Variants in PLXNA4 observed in about 807,000 individuals in gnomAD.
PLXNA4 encodes plexin-A4.
In PLXNA4, 44 loss-of-function variants were observed where a neutral mutation model predicts 191.8. That is an observed-to-expected ratio of 0.23 (90% CI 0.18 to 0.29). PLXNA4 has a LOEUF of 0.29. Among genes scored for constraint, PLXNA4 ranks in the 10% least tolerant of loss-of-function variants. PLXNA4 has a pLI of 1.00. For missense variants in PLXNA4, 1,800 were observed against 2,488.8 expected (o/e 0.72, Z 5.89); for synonymous variants, 1,082 against 1,009.5 (o/e 1.07, Z -1.36).
chr7:132,602,211 C>T lies in PLXNA4; in HGVS notation c.-87+43717G>A, dbSNP rs1802833711. On this transcript the variant is annotated intron_variant, in intron 2 of 4. Transcript: ENST00000378539. ...CTGTTCTTTTCAAGGTCAAAGACCACTGGACAAAAATATGAGAACTTTGTC... is the reference window on the plus strand; with the variant it reads ...CTGTTCTTTTCAAGGTCAAAGACCATTGGACAAAAATATGAGAACTTTGTC... Among the ~76,000 whole-genome samples the T allele has an allele frequency of 2.0e-5, 3 of 152,202 alleles. No homozygotes were observed. The South Asian group carries it at 6.2e-4, about 32-fold the overall frequency.
At chr7:132,206,702 T>G (rs996192782) in intron 10 of PLXNA4, among the ~76,000 whole-genome samples, 1 of 152,042 alleles carries the variant, frequency 6.6e-6, no homozygotes, top group African/African-American at 2.4e-5. Context: ...GCAACGTGCC[T>G]GGGGCAGGGT....
chr7:132,621,264 T>TTTTTTTTTTTTTTTTTTTTTGG (rs1563197008), intron 2 of PLXNA4, among the ~76,000 whole-genome samples: 3 of 60,156 alleles, frequency 5.0e-5, no homozygotes, highest in Non-Finnish European at 1.4e-4. Flanking sequence ...TTTTTGGTTT[T>TTTTTTTTTTTTTTTTTTTTTGG]TTTGTTTTTT....
At chr7:132,182,468 C>T (rs1459397596) in intron 16 of PLXNA4, among the ~76,000 whole-genome samples, 1 of 152,154 alleles carries the variant, frequency 6.6e-6, no homozygotes, top group East Asian at 1.9e-4. Context: ...GCACAGCCCC[C>T]TTGGCTCTCC....
At chr7:132,361,595 A>G (rs1803944889) in intron 3 of PLXNA4, among the ~76,000 whole-genome samples, 2 of 152,200 alleles carry the variant, frequency 1.3e-5, no homozygotes, top group African/African-American at 2.4e-5. Context: ...TTAATATAAG[A>G]AAAATAAAAA....
chr7:132,427,705 G>A (rs899963944), intron 3 of PLXNA4, among the ~76,000 whole-genome samples: 1 of 152,198 alleles, frequency 6.6e-6, no homozygotes, highest in Non-Finnish European at 1.5e-5. Context: ...CTGTGATCTT[G>A]GAGAGTCTGG....
chr7:132,164,799 G>A (rs1796053715), intron 23 of PLXNA4, among the ~76,000 whole-genome samples: 1 of 152,246 alleles, frequency 6.6e-6, no homozygotes, highest in African/African-American at 2.4e-5. Context: ...TCTGGGGCTG[G>A]GAGAGGGAAG....
chr7:132,254,491 T>C (rs1259145421), intron 4 of PLXNA4, among the ~76,000 whole-genome samples: 2 of 152,216 alleles, frequency 1.3e-5, no homozygotes, highest in Non-Finnish European at 2.9e-5. Context: ...AAAATGTGTC[T>C]TTGAGCCTCG....
At chr7:132,319,759 C>T (rs1802091006) in intron 3 of PLXNA4, among the ~76,000 whole-genome samples, 1 of 152,226 alleles carries the variant, frequency 6.6e-6, no homozygotes, top group Non-Finnish European at 1.5e-5. Flanking sequence ...TCTTTTATTC[C>T]GTGTAAGTTC....
Position 132,145,217 on chromosome 7 carries a change from C to T in PLXNA4, c.5127G>A (p.Leu1709=), listed in dbSNP as rs1702427768. The change falls in exon 29 of 32, where the codon CTG becomes CTA. Residue 1709 remains leucine, a synonymous_variant. Coordinates refer to ENST00000321063, the MANE Select transcript of PLXNA4 (RefSeq NM_020911.2). The stretch of plus-strand genomic sequence containing the variant: ...CAAACATGTACTTGATGGCCAGGGG[C>T]AGGGCAGAGCCACGGTGTGCCGTGC... ...IFSTAHRGSA[L]PLAIKYMFDF... 2 of 1,614,110 alleles carry T rather than the reference C, an allele frequency of 1.2e-6. No individual in the cohort carries two copies. The highest frequency in any genetic ancestry group is 2.2e-5 in the South Asian group (2 of 91,090).
chr7:132,619,678 C>T (rs112566514), intron 2 of PLXNA4, among the ~76,000 whole-genome samples: 1,751 of 152,366 alleles, frequency 0.011, 35 homozygotes, highest in African/African-American at 0.04. Context: ...ATTCTAGAAG[C>T]TAAGCAAAGA....
intron 4 of PLXNA4, among the ~76,000 whole-genome samples, chr7:132,287,068 T>C (rs1235467804): frequency 6.6e-6 from 1 of 152,148 alleles, no homozygotes; most frequent in African/African-American, 2.4e-5. Context: ...AGAGTCTCAC[T>C]CTGTCACCTA....
At chr7:132,229,954 A>C (rs1369921246) in intron 5 of PLXNA4, among the ~76,000 whole-genome samples, 3 of 152,162 alleles carry the variant, frequency 2.0e-5, no homozygotes, top group African/African-American at 7.2e-5. Context: ...AGGAGAATCT[A>C]GCAAATGAAG....
intron 3 of PLXNA4, among the ~76,000 whole-genome samples, chr7:132,356,153 C>T (rs1288463056): frequency 2.6e-5 from 4 of 152,174 alleles, no homozygotes; most frequent in Non-Finnish European, 5.9e-5. Context: ...TTCCTAGAAG[C>T]TCTACCTGGC....
intron 3 of PLXNA4, among the ~76,000 whole-genome samples, chr7:132,409,652 TG>T (rs1446477827): frequency 2.0e-5 from 3 of 152,230 alleles, no homozygotes; most frequent in Non-Finnish European, 4.4e-5. Flanking sequence ...GATAATTACA[TG>T]GGACTGTATC....
chr7:132,562,368 CCTCCTCCTCCTT>C (rs1413104189), intron 1 of PLXNA4, among the ~76,000 whole-genome samples: 1 of 53,462 alleles, frequency 1.9e-5, no homozygotes, highest in East Asian at 3.1e-4. Context: ...TCCTCCTCTG[CCTCCTCCTCCTT>C]CTCCTCCTCC....
chr7:132,235,790 G>A (rs1490723624), intron 5 of PLXNA4, among the ~76,000 whole-genome samples: 2 of 152,194 alleles, frequency 1.3e-5, no homozygotes, highest in African/African-American at 4.8e-5. Context: ...GGGGGCTGGG[G>A]ACCTGCCAAG....
Position 132,186,819 on chromosome 7 carries a change from G to A in PLXNA4, c.2993+652C>T, listed in dbSNP as rs865963806. Among the ~76,000 whole-genome samples the A allele has an allele frequency of 8.5e-5, 13 of 152,190 alleles. No individual in the cohort carries two copies. The South Asian group carries it at 1.7e-3, about 20-fold the overall frequency. ...ACAAAGATGATAACAGCCTTTTCCT[G>A]AAACAAACCCCCTCTTTGCCTGGGG... On this transcript the variant is annotated intron_variant, in intron 15 of 31. Transcript: ENST00000321063.
chr7:132,537,680 G>A (rs1585297122), intron 1 of PLXNA4, among the ~76,000 whole-genome samples: 1 of 152,238 alleles, frequency 6.6e-6, no homozygotes, highest in African/African-American at 2.4e-5. Context: ...GGAAGTGGGA[G>A]TGAGGAAGGC....
At chr7:132,326,016 T>A (rs1802344091) in intron 3 of PLXNA4, among the ~76,000 whole-genome samples, 1 of 152,152 alleles carries the variant, frequency 6.6e-6, no homozygotes, top group Admixed American at 6.5e-5. Context: ...TGGCTAAACT[T>A]TATTCTGAGT....
Sources: gnomAD v4.1 joint callset for allele counts (sites outside exome capture counted in the v4.1 genomes callset) on GRCh38, gnomAD v4.1.1 for gene constraint, MANE v1.5 for transcripts, NCBI Gene and HGNC (gene_info 2026-07-23, HGNC 2026-07-21) for gene names.